The following TBC1D20 variants were observed in gnomAD, a reference collection of about 807,000 sequenced individuals.
TBC1D20 encodes TBC1 domain family member 20, also known as chromosome 20 open reading frame 140.
Under a neutral mutation model 41.6 loss-of-function variants are expected in TBC1D20, and 12 were observed. The observed-to-expected ratio is 0.29, with a 90% CI of 0.18 to 0.47. TBC1D20 has a LOEUF of 0.47. Among genes scored for constraint, TBC1D20 ranks in the 20% least tolerant of loss-of-function variants. TBC1D20 has a pLI of 1.00. For synonymous variants in TBC1D20, 205 were observed against 204.8 expected (o/e 1.00, Z -0.01); for missense variants, 421 against 517.4 (o/e 0.81, Z 1.81).
rs200991514 is a variant in TBC1D20, at chr20:441,584, G to C, written c.626+4C>G. ...TGCACACAGAAATGCAGACACATAT[G>C]TACCTCTGCATGAAGTCATGGAGCT... On this transcript the variant is annotated splice_donor_region_variant and intron_variant, in intron 5 of 7. Transcript: ENST00000354200. The C allele has an allele frequency of 2.9e-5, 47 of 1,610,164 alleles. No individual in the cohort carries two copies. The highest frequency in any genetic ancestry group is 8.5e-7 in the Non-Finnish European group (1 of 1,176,408).
chr20:452,523 G>A (rs939021025), intron 1 of TBC1D20, among the ~76,000 whole-genome samples: 3 of 151,922 alleles, frequency 2.0e-5, no homozygotes, highest in Non-Finnish European at 2.9e-5. Flanking sequence ...AGGCTGGGGC[G>A]AGAGGATCAC....
At position 438,403 on chromosome 20, in the gene TBC1D20, G is replaced by T. The variant is rs1050340369; in HGVS notation, c.*183C>A. The T allele has an allele frequency of 3.0e-6, 2 of 674,108 alleles. No individual in the cohort carries two copies. The highest frequency in any genetic ancestry group is 4.9e-6 in the Non-Finnish European group (2 of 404,836). 41.8% of individuals were successfully genotyped at this position (674,108 alleles called of 1,614,324 possible). On this transcript the variant is annotated 3_prime_UTR_variant, in exon 8 of 8. Coordinates refer to ENST00000354200, the MANE Select transcript of TBC1D20 (RefSeq NM_144628.4). ...TGTGCCAGGCCCCCAGGTCCCCTCT[G>T]TGTCAGGTAGGCTCTGCTACTGGCC...
At chr20:458,485 G>A (rs1258410791) in intron 1 of TBC1D20, among the ~76,000 whole-genome samples, 11 of 151,556 alleles carry the variant, frequency 7.3e-5, no homozygotes, top group Admixed American at 7.2e-4. Flanking sequence ...GCTAATTTTT[G>A]CGTATATATA....
rs563125392 is a variant in TBC1D20 at position 441,906 on chromosome 20, C to T, written c.475G>A (p.Glu159Lys). 11 of 1,614,116 alleles carry T rather than the reference C, an allele frequency of 6.8e-6. No homozygotes were observed. The highest frequency in any genetic ancestry group is 2.2e-5 in the South Asian group (2 of 91,068). Residue 159 changes from glutamate to lysine, a missense_variant, in exon 4 of 8, where the codon GAG becomes AAG. By Grantham distance (56) the Glu-to-Lys change is moderately conservative (BLOSUM62 1). This residue lies in a region of TBC1D20 where 110 missense variants were observed against 183.5 expected (regional missense o/e 0.60). Transcript: ENST00000354200. ...IVVTFLLVVG[E>K]RLATSLVEKL... ...TCTACCAGGGATGTTGCCAGCCTCT[C>T]GCCTACCACCAGCAGAAATGTGACC...
At chr20:438,884 G>C in intron 7 of TBC1D20, 43 bp from the exon 8 acceptor site, 2 of 1,603,214 alleles carry the variant, frequency 1.2e-6, no homozygotes, top group Non-Finnish European at 1.7e-6. Flanking sequence ...GTATGAAAGA[G>C]GAGGAGGAAA....
chr20:441,515 T>C, intron 5 of TBC1D20, 73 bp downstream of exon 5: 1 of 1,311,594 alleles, frequency 7.6e-7, no homozygotes, highest in Non-Finnish European at 1.1e-6. Flanking sequence ...GCTCGGCTTG[T>C]GAGGAGTGTT....
intron 1 of TBC1D20, among the ~76,000 whole-genome samples, chr20:455,584 C>T (rs2017525880): frequency 6.6e-6 from 1 of 152,086 alleles, no homozygotes; most frequent in African/African-American, 2.4e-5. Context: ...TGCCACTGTA[C>T]TCCAGACTGG....
chr20:446,444 G>A (rs1002588173), intron 2 of TBC1D20, among the ~76,000 whole-genome samples: 2 of 151,852 alleles, frequency 1.3e-5, no homozygotes, highest in Non-Finnish European at 1.5e-5. Flanking sequence ...CGGTTCAAGC[G>A]ATTCTCCTGC....
intron 1 of TBC1D20, among the ~76,000 whole-genome samples, chr20:457,044 C>A (rs2017553515): frequency 6.7e-6 from 1 of 150,258 alleles, no homozygotes; most frequent in Non-Finnish European, 1.5e-5. Flanking sequence ...TCAAGCAATT[C>A]TCCTGCCTCA....
At chr20:451,923 T>C (rs1167964577) in intron 1 of TBC1D20, among the ~76,000 whole-genome samples, 1 of 152,218 alleles carries the variant, frequency 6.6e-6, no homozygotes, top group Admixed American at 6.5e-5. Flanking sequence ...TATTTGGAAT[T>C]GAATTCTGTA....
chr20:459,030 GCT>G (rs1332967334), intron 1 of TBC1D20, among the ~76,000 whole-genome samples: 1 of 152,104 alleles, frequency 6.6e-6, no homozygotes, highest in Non-Finnish European at 1.5e-5. Flanking sequence ...AAATGTATAG[GCT>G]CTCACTGTGA....
chr20:453,007 G>T (rs1408292991), intron 1 of TBC1D20, among the ~76,000 whole-genome samples: 1 of 151,180 alleles, frequency 6.6e-6, no homozygotes, highest in Non-Finnish European at 1.5e-5. Context: ...AAATTAGCCG[G>T]GCGTGGTGGC....
chr20:450,315 AT>A (rs576051908), intron 1 of TBC1D20, among the ~76,000 whole-genome samples: 583 of 142,598 alleles, frequency 4.1e-3, no homozygotes, highest in Middle Eastern at 0.011. Flanking sequence ...CGCTTTGCTA[AT>A]TTTTTTTTTT....
In TBC1D20 at chr20:440,328, A is replaced by C. The variant is rs1296855566; in HGVS notation, c.688T>G (p.Ser230Ala). The change falls in exon 6 of 8, where the codon TCT becomes GCT. Residue 230 changes from serine to alanine, a missense_variant. Ser to Ala is a moderately conservative substitution (Grantham distance 99). Transcript: ENST00000354200. ...WLITWFGHVL[S>A]DFRHVVRLYD... ...AACCGCACGACGTGCCTGAAGTCAG[A>C]CAGGACATGCCCAAACCAGGTGATG... 6.2e-7 allele frequency: 1 copy of C among 1,614,204 alleles called. No individual in the cohort carries two copies. The highest frequency in any genetic ancestry group is 8.5e-7 in the Non-Finnish European group (1 of 1,180,034).
chr20:438,602 A>G lies in TBC1D20; in HGVS notation c.1196T>C (p.Leu399Pro). The G allele has an allele frequency of 6.2e-7, 1 of 1,613,996 alleles. No homozygotes were observed. The highest frequency in any genetic ancestry group is 1.3e-5 in the African/African-American group (1 of 75,064). The change falls in exon 8 of 8, where the codon CTG becomes CCG. Residue 399 changes from leucine (L) to proline (P), a missense_variant. Around this residue, in one of 3 missense-constraint regions of TBC1D20, gnomAD observed 161 missense variants for 182.7 expected, o/e 0.88. Coordinates refer to ENST00000354200, the MANE Select transcript of TBC1D20 (RefSeq NM_144628.4). ...SALEWAPKFQLQLFP is the reference protein window; with the variant it reads ...SALEWAPKFQPQLFP ...CTCTGGCTTTCAGGGAAACAGCTGC[A>G]GCTGAAACTTAGGGGCCCATTCCAG...
rs1361935665 is a variant in TBC1D20, at chr20:439,096, A to G, written c.956+12T>C. On this transcript the variant is annotated intron_variant, in intron 7 of 7. Transcript: ENST00000354200. The surrounding 1 kb of genome is among the most constrained non-coding windows in gnomAD (Gnocchi z 4.6). Reference sequence around the variant, plus strand: ...GCCACCCCCATTCAACCAGTGTCCCAGCCTTGCTCACCTCTCAGCTTGCTG... The same window carrying G: ...GCCACCCCCATTCAACCAGTGTCCCGGCCTTGCTCACCTCTCAGCTTGCTG... 6.2e-7 allele frequency: 1 copy of G among 1,604,622 alleles called. No homozygotes were observed. Among genetic ancestry groups the G allele is most frequent in the Non-Finnish European group, 8.5e-7 (1 of 1,175,222 alleles).
At position 438,500 on chromosome 20, in the gene TBC1D20, T is replaced by C. The variant is rs553366070; in HGVS notation, c.*86A>G. Reference sequence around the variant, plus strand: ...TAAAAAACTCTGGACAGAAACCCTTTTAATAAAGGAAATTCCACCCCTCCC... The same window carrying C: ...TAAAAAACTCTGGACAGAAACCCTTCTAATAAAGGAAATTCCACCCCTCCC... On this transcript the variant is annotated 3_prime_UTR_variant, in exon 8 of 8. Transcript: ENST00000354200. The C allele has an allele frequency of 1.3e-6, 2 of 1,486,722 alleles. No individual in the cohort carries two copies. The highest frequency in any genetic ancestry group is 2.5e-5 in the South Asian group (2 of 78,814). The allele number at this position is 1,486,722 out of a possible 1,614,324, so 92.1% of individuals were successfully genotyped here.
intron 2 of TBC1D20, among the ~76,000 whole-genome samples, chr20:447,123 ATTTTT>A (rs752849594): frequency 1.9e-5 from 2 of 107,276 alleles, no homozygotes; most frequent in Non-Finnish European, 1.9e-5. Context: ...TAATGTTCGT[ATTTTT>A]TTTTTTTTTT....
intron 1 of TBC1D20, among the ~76,000 whole-genome samples, chr20:460,434 C>CAAAA (rs10580827): frequency 1.6e-5 from 2 of 128,754 alleles, no homozygotes; most frequent in African/African-American, 5.9e-5. Flanking sequence ...TCCCATCTCT[C>CAAAA]AAAAAAAAAA....
Sources: allele counts gnomAD v4.1 joint callset (sites outside exome capture counted in the v4.1 genomes callset), GRCh38; gene constraint gnomAD v4.1.1; regional missense constraint gnomAD v4.1.1; non-coding constraint Gnocchi (gnomAD v3.1); transcripts MANE v1.5; gene names NCBI Gene and HGNC (gene_info 2026-07-23, HGNC 2026-07-21).